NRXN1: variants seen among roughly 807,000 people sequenced by gnomAD.
NRXN1 encodes the protein neurexin 1, also known as neurexin-1.
Under a neutral mutation model 150.9 loss-of-function variants are expected in NRXN1, and 39 were observed. That is an observed-to-expected ratio of 0.26 (90% CI 0.20 to 0.34). The LOEUF is 0.34. Among genes scored for constraint, NRXN1 ranks in the 10% least tolerant of loss-of-function variants. The pLI is 1.00. For synonymous variants in NRXN1, 924 were observed against 757.0 expected (o/e 1.22, Z -3.62); for missense variants, 1,815 against 1,949.9 (o/e 0.93, Z 1.30).
chr2:50,996,463 A>G (rs1388892956), intron 2 of NRXN1, among the ~76,000 whole-genome samples: 1 of 152,062 alleles, frequency 6.6e-6, no homozygotes, highest in Non-Finnish European at 1.5e-5. Context: ...ATGTATTTAT[A>G]TTTTCATAGA....
intron 17 of NRXN1, among the ~76,000 whole-genome samples, chr2:50,330,507 C>T (rs981150633): frequency 1.3e-5 from 2 of 152,074 alleles, no homozygotes; most frequent in African/African-American, 4.8e-5. Flanking sequence ...ATTAGAATGT[C>T]CTTCCTCCCA....
intron 19 of NRXN1, among the ~76,000 whole-genome samples, chr2:50,087,534 C>T (rs577833193): frequency 6.1e-4 from 93 of 151,984 alleles, no homozygotes; most frequent in African/African-American, 2.2e-3. Flanking sequence ...AAAATTTTCC[C>T]GCATAACTGT....
chr2:51,028,927 T>C lies in NRXN1; in HGVS notation c.-654A>G, dbSNP rs962419811. On this transcript the variant is annotated 5_prime_UTR_variant, in exon 2 of 23. It removes an upstream start codon present in the reference 5' UTR. Transcript: ENST00000401669. ...AAGGCCTGCTTCTTCTGTCATAGCA[T>C]GGGCTTCAGCACCGCTGCAGCCAAA... 1 of 152,232 alleles carries C rather than the reference T, an allele frequency of 6.6e-6. No homozygotes were observed. Among genetic ancestry groups the C allele is most frequent in the Non-Finnish European group, 1.5e-5 (1 of 68,050 alleles). The allele number at this position is 152,232 out of a possible 1,614,324, so 9.4% of individuals were successfully genotyped here.
intron 7 of NRXN1, 82 bp downstream of exon 7, chr2:50,621,144 A>G: frequency 7.8e-7 from 1 of 1,285,100 alleles, no homozygotes; most frequent in Non-Finnish European, 1.1e-6. Context: ...GTCTACAGTT[A>G]AAAGAAAGAA....
chr2:50,306,055 C>G (rs1236224649), intron 17 of NRXN1, among the ~76,000 whole-genome samples: 1 of 152,174 alleles, frequency 6.6e-6, no homozygotes, highest in Non-Finnish European at 1.5e-5. Flanking sequence ...TAAAGAATGA[C>G]AGGTGCTTTG....
intron 5 of NRXN1, among the ~76,000 whole-genome samples, chr2:50,896,409 A>C (rs1439133350): frequency 6.6e-6 from 1 of 152,220 alleles, no homozygotes; most frequent in Non-Finnish European, 1.5e-5. Flanking sequence ...CTGCAGAGAC[A>C]AACAAGGAAA....
intron 12 of NRXN1, among the ~76,000 whole-genome samples, chr2:50,524,478 C>A (rs1000614733): frequency 2.8e-5 from 4 of 141,110 alleles, no homozygotes; most frequent in East Asian, 2.1e-4. Flanking sequence ...GAGTCCATCT[C>A]ATAAATAAAT....
intron 16 of NRXN1, among the ~76,000 whole-genome samples, chr2:50,469,514 C>T (rs2089257185): frequency 1.3e-5 from 2 of 151,296 alleles, no homozygotes; most frequent in African/African-American, 4.8e-5. Context: ...CTAAGTGATT[C>T]CAGTGTGGTT....
At chr2:50,106,663 T>C (rs1487050580) in intron 18 of NRXN1, among the ~76,000 whole-genome samples, 3 of 151,990 alleles carry the variant, frequency 2.0e-5, no homozygotes, top group South Asian at 4.1e-4. Flanking sequence ...AATTATTCCA[T>C]ATTACTTTGA....
intron 17 of NRXN1, among the ~76,000 whole-genome samples, chr2:50,329,689 C>G (rs1014436119): frequency 2.6e-5 from 3 of 115,822 alleles, no homozygotes; most frequent in African/African-American, 9.4e-5. Flanking sequence ...TTTTTTCCCC[C>G]CCGAGACGGA....
At chr2:50,666,883 G>A (rs866144315) in intron 5 of NRXN1, among the ~76,000 whole-genome samples, 4 of 150,476 alleles carry the variant, frequency 2.7e-5, no homozygotes, top group African/African-American at 7.3e-5. Flanking sequence ...ATGATGATGT[G>A]TGTGTGTGTG....
At chr2:50,260,356 T>A (rs1344950204) in intron 17 of NRXN1, among the ~76,000 whole-genome samples, 1 of 151,928 alleles carries the variant, frequency 6.6e-6, no homozygotes, top group Non-Finnish European at 1.5e-5. Context: ...AACTCCATTG[T>A]GAAAACAGTA....
intron 17 of NRXN1, among the ~76,000 whole-genome samples, chr2:50,307,204 G>A (rs1037697804): frequency 6.6e-6 from 1 of 152,090 alleles, no homozygotes; most frequent in South Asian, 2.1e-4. Flanking sequence ...GGCTGGTCTC[G>A]AACTCCTGAC....
rs774423915 is a variant in NRXN1, at chr2:50,236,865, C to T, written c.3470G>A (p.Ser1157Asn). 1.2e-6 allele frequency: 2 copies of T among 1,613,362 alleles called. No homozygotes were observed. The change falls in exon 18 of 23, where the codon AGC (serine) becomes AAC (asparagine). Residue 1157 changes from serine to asparagine, a missense_variant. Ser to Asn is a conservative substitution (Grantham distance 46, BLOSUM62 1). Coordinates refer to ENST00000401669, the MANE Select transcript of NRXN1 (RefSeq NM_001330078.2). ...TRADRLAIGFSTVQKEAVLVR... is the reference protein window; with the variant it reads ...TRADRLAIGFNTVQKEAVLVR... ...CAATACGGCTTCTTTCTGAACAGTG[C>T]TAAAACCTATGGCCAGTCTGTCTGC...
chr2:50,081,552 A>AACAAAACAAACAAC (rs1697971395), intron 19 of NRXN1, among the ~76,000 whole-genome samples: 1 of 152,218 alleles, frequency 6.6e-6, no homozygotes, highest in Admixed American at 6.5e-5. Context: ...CTCTGCCTCA[A>AACAAAACAAACAAC]AAAACAAAAC....
chr2:50,849,301 T>C (rs557570810), intron 5 of NRXN1, among the ~76,000 whole-genome samples: 2 of 152,312 alleles, frequency 1.3e-5, no homozygotes, highest in South Asian at 2.1e-4. Flanking sequence ...CCACTTGGAA[T>C]TGTAAATTCT....
intron 17 of NRXN1, among the ~76,000 whole-genome samples, chr2:50,342,205 G>C (rs1009343499): frequency 1.3e-5 from 2 of 152,206 alleles, no homozygotes; most frequent in South Asian, 4.1e-4. Context: ...ATCTATTAAA[G>C]TTTTGGGCAA....
At chr2:50,111,365 C>T (rs1018662673) in intron 18 of NRXN1, among the ~76,000 whole-genome samples, 2 of 152,146 alleles carry the variant, frequency 1.3e-5, no homozygotes, top group African/African-American at 4.8e-5. Flanking sequence ...TACTCTCATG[C>T]GGCATGGTGG....
intron 19 of NRXN1, among the ~76,000 whole-genome samples, chr2:50,085,960 C>T (rs961255209): frequency 6.6e-6 from 1 of 152,090 alleles, no homozygotes; most frequent in Non-Finnish European, 1.5e-5. Context: ...AGCTTGTAGA[C>T]AGCAGTCCCC....
Sources: gnomAD v4.1 joint callset for allele counts (sites outside exome capture counted in the v4.1 genomes callset) on GRCh38, gnomAD v4.1.1 for gene constraint, MANE v1.5 for transcripts, NCBI Gene and HGNC (gene_info 2026-07-23, HGNC 2026-07-21) for gene names.